Variants in CECR2 observed in about 807,000 individuals in gnomAD.
CECR2 encodes the protein chromatin remodeling regulator CECR2.
In CECR2, 30 loss-of-function variants were observed where a neutral mutation model predicts 154.5. The observed-to-expected ratio is 0.19, with a 90% CI of 0.15 to 0.26. The LOEUF (loss-of-function observed/expected upper bound fraction) is 0.26. CECR2 is among the 10% of genes least tolerant of loss of function. CECR2 has a pLI of 1.00. For synonymous variants in CECR2, 725 were observed against 683.7 expected (o/e 1.06, Z -0.94); for missense variants, 1,743 against 1,829.3 (o/e 0.95, Z 0.86).
intron 7 of CECR2, among the ~76,000 whole-genome samples, chr22:17,506,908 G>GC (rs2055857745): frequency 6.6e-6 from 1 of 152,174 alleles, no homozygotes; most frequent in Non-Finnish European, 1.5e-5. Context: ...ACCCACCTTG[G>GC]CCTCCCAAGT....
At chr22:17,411,060 T>C (rs1475198191) in intron 1 of CECR2, among the ~76,000 whole-genome samples, 2 of 152,204 alleles carry the variant, frequency 1.3e-5, no homozygotes, top group African/African-American at 4.8e-5. Flanking sequence ...TCTCATTGTT[T>C]CATATTTACG....
intron 1 of CECR2, among the ~76,000 whole-genome samples, chr22:17,381,983 G>T (rs1482863200): frequency 5.9e-5 from 9 of 151,910 alleles, no homozygotes; most frequent in Non-Finnish European, 1.0e-4. Context: ...CGCCTCCTGG[G>T]TTCACCCCAT....
At chr22:17,378,997 C>T (rs2063153817) in intron 1 of CECR2, among the ~76,000 whole-genome samples, 1 of 151,904 alleles carries the variant, frequency 6.6e-6, no homozygotes, top group Non-Finnish European at 1.5e-5. Flanking sequence ...TTGTGGCCCA[C>T]CCAGGCTGGA....
chr22:17,449,480 G>GTCC (rs1479640468), intron 1 of CECR2, among the ~76,000 whole-genome samples: 6 of 97,208 alleles, frequency 6.2e-5, no homozygotes, highest in African/African-American at 1.7e-4. Flanking sequence ...TTGGTAACCA[G>GTCC]TTCTTTTTTT....
At chr22:17,537,676 A>G (rs539940198) in intron 10 of CECR2, among the ~76,000 whole-genome samples, 1 of 152,324 alleles carries the variant, frequency 6.6e-6, no homozygotes, top group Non-Finnish European at 1.5e-5. Flanking sequence ...AGATCACAAA[A>G]ATATTCATAA....
intron 1 of CECR2, among the ~76,000 whole-genome samples, chr22:17,448,558 C>T (rs775596811): frequency 6.6e-6 from 1 of 152,074 alleles, no homozygotes; most frequent in African/African-American, 2.4e-5. Flanking sequence ...TTACATAAAG[C>T]CCTAAGTCAC....
chr22:17,526,666 G>A (rs751567001), intron 9 of CECR2, among the ~76,000 whole-genome samples: 22 of 151,896 alleles, frequency 1.4e-4, no homozygotes, highest in Non-Finnish European at 2.6e-4. Context: ...AAAATTAGCC[G>A]GGCACGGTGG....
chr22:17,400,173 G>A (rs1366228026), intron 1 of CECR2, among the ~76,000 whole-genome samples: 3 of 152,268 alleles, frequency 2.0e-5, no homozygotes, highest in Admixed American at 6.5e-5. Flanking sequence ...TGTGACTTAG[G>A]AATTGGGTAA....
intron 1 of CECR2, among the ~76,000 whole-genome samples, chr22:17,447,881 T>TTGTTTG (rs3079529): frequency 6.6e-6 from 1 of 151,700 alleles, no homozygotes; most frequent in East Asian, 1.9e-4. Context: ...AGTGTTTTTT[T>TTGTTTG]TTTGTTTGTT....
At chr22:17,451,104 C>G (rs2054761993) in intron 1 of CECR2, among the ~76,000 whole-genome samples, 1 of 152,220 alleles carries the variant, frequency 6.6e-6, no homozygotes, top group Admixed American at 6.5e-5. Flanking sequence ...TGATTTGCCC[C>G]CTGCCAGCTT....
At chr22:17,552,178 C>T (rs1484373360) in intron 18 of CECR2, 36 bp downstream of exon 18, 4 of 1,571,298 alleles carry the variant, frequency 2.5e-6, no homozygotes, top group South Asian at 1.1e-5. Flanking sequence ...GTTCTTCTTC[C>T]TCCAGGTGGT....
chr22:17,544,592 C>T (rs1218830788), intron 16 of CECR2, among the ~76,000 whole-genome samples: 3 of 151,324 alleles, frequency 2.0e-5, no homozygotes, highest in African/African-American at 7.3e-5. Flanking sequence ...AGGCAGATCA[C>T]CTGAGGTCAG....
chr22:17,416,380 TC>T (rs1569068300), intron 1 of CECR2, among the ~76,000 whole-genome samples: 2 of 152,208 alleles, frequency 1.3e-5, no homozygotes, highest in Non-Finnish European at 1.5e-5. Flanking sequence ...TGTATTTGTT[TC>T]CTTTGCCCTC....
chr22:17,369,775 A>T lies in CECR2; in HGVS notation c.-9A>T, dbSNP rs1439894233. 1 of 150,592 alleles carries T rather than the reference A, an allele frequency of 6.6e-6. No homozygotes were observed. Among genetic ancestry groups the T allele is most frequent in the Non-Finnish European group, 1.5e-5 (1 of 67,526 alleles). The allele number at this position is 150,592 out of a possible 1,614,324, so 9.3% of individuals were successfully genotyped here. A position where few individuals can be genotyped will look rare whatever the true frequency, so the allele number is the denominator to read the frequency against. On this transcript the variant is annotated 5_prime_UTR_variant, in exon 1 of 19. Transcript: ENST00000262608. ...AGCGAGGGGCCGCCGCCTGTGCCGC[A>T]GCGGGGAGATGTGCCCAGAGGAGGG...
chr22:17,493,118 C>T (rs368499365), intron 2 of CECR2, among the ~76,000 whole-genome samples: 4 of 152,160 alleles, frequency 2.6e-5, no homozygotes, highest in East Asian at 1.9e-4. Flanking sequence ...ATTACAGGCA[C>T]GTACCACCAT....
intron 8 of CECR2, among the ~76,000 whole-genome samples, chr22:17,516,083 A>G (rs2056048304): frequency 1.3e-5 from 2 of 152,120 alleles, no homozygotes; most frequent in African/African-American, 4.8e-5. Context: ...TATGTATGTG[A>G]CTTCTTCGTG....
chr22:17,388,143 C>T (rs1346565866), intron 1 of CECR2, among the ~76,000 whole-genome samples: 5 of 152,118 alleles, frequency 3.3e-5, no homozygotes, highest in South Asian at 2.1e-4. Context: ...TTAGTAGAGA[C>T]GGGTTTCACC....
At chr22:17,473,774 A>G (rs868675169) in intron 1 of CECR2, among the ~76,000 whole-genome samples, 1 of 152,240 alleles carries the variant, frequency 6.6e-6, no homozygotes, top group Admixed American at 6.5e-5. Flanking sequence ...AAGTAGATTC[A>G]CATTGTTGTC....
In CECR2 at chr22:17,392,838, A is replaced by G. The variant is rs553022255; in HGVS notation, c.126+22929A>G. Among the ~76,000 whole-genome samples the G allele has an allele frequency of 3.5e-3, 538 of 152,072 alleles. 1 individual carries two copies. The highest frequency in any genetic ancestry group is 0.01 in the Middle Eastern group (3 of 294). On this transcript the variant is annotated intron_variant, in intron 1 of 18. Transcript: ENST00000262608. ...GGGCAGATCACAAGGTCAGGAGTTC[A>G]AGACCAGCCTGGCCAACATGGTGAA...
Sources: gnomAD v4.1 joint callset for allele counts (sites outside exome capture counted in the v4.1 genomes callset) on GRCh38, gnomAD v4.1.1 for gene constraint, MANE v1.5 for transcripts, NCBI Gene and HGNC (gene_info 2026-07-23, HGNC 2026-07-21) for gene names.